NFIX: variants seen among roughly 807,000 people sequenced by gnomAD.
The protein encoded by NFIX is nuclear factor I X, also known as nuclear factor 1 X-type.
In NFIX, 2 loss-of-function variants were observed where a neutral mutation model predicts 53.3. That is an observed-to-expected ratio of 0.04 (90% CI 0.02 to 0.12). NFIX has a LOEUF of 0.12. Ranked by LOEUF, NFIX falls within the 10% of genes least tolerant of loss-of-function variation. The pLI, the probability that NFIX is intolerant of heterozygous loss-of-function variation, is 1.00. For missense variants in NFIX, 310 were observed against 674.5 expected (o/e 0.46, Z 5.99); for synonymous variants, 244 against 289.0 (o/e 0.84, Z 1.58).
chr19:12,995,780 C>T lies in NFIX; in HGVS notation c.-58C>T. 1 of 850,696 alleles carries T rather than the reference C, an allele frequency of 1.2e-6. No homozygotes were observed. The highest frequency in any genetic ancestry group is 5.1e-5 in the South Asian group (1 of 19,442). The allele number at this position is 850,696 out of a possible 1,614,324, so 52.7% of individuals were successfully genotyped here. On this transcript the variant is annotated 5_prime_UTR_variant, in exon 1 of 11. Coordinates refer to ENST00000592199, the MANE Select transcript of NFIX (RefSeq NM_001365902.3). ...AGCCCGAGCCCGAGCGCGGCCGCCG[C>T]CTGCCGGGCCTCCCCTCGCCGCGGC... is the stretch of plus-strand genomic sequence containing the variant.
intron 2 of NFIX, among the ~76,000 whole-genome samples, chr19:13,035,308 G>A (rs1252497804): frequency 6.6e-6 from 1 of 152,206 alleles, no homozygotes; most frequent in East Asian, 1.9e-4. Flanking sequence ...CAGTTTGGGG[G>A]CTTTCCCCTT....
rs892276650 is a variant in NFIX at position 13,005,648 on chromosome 19, T to C, written c.27+9784T>C. Among the ~76,000 whole-genome samples the C allele has an allele frequency of 6.6e-6, 1 of 152,190 alleles. No individual in the cohort carries two copies. The highest frequency in any genetic ancestry group is 2.4e-5 in the African/African-American group (1 of 41,450). On this transcript the variant is annotated intron_variant, in intron 1 of 10. Transcript: ENST00000592199. This position sits in a 1 kb window ranked among gnomAD's most constrained non-coding sequence, Gnocchi z 4.7. ...TGCTAGGGTCAAGGGCGGGGAGCTC[T>C]TTCTTCAAGATCGTCACCACCCTAA...
At chr19:13,069,108 C>G (rs1185228972) in intron 2 of NFIX, among the ~76,000 whole-genome samples, 1 of 152,226 alleles carries the variant, frequency 6.6e-6, no homozygotes, top group East Asian at 1.9e-4. Context: ...TGGAGGGAAA[C>G]TCTGAGTTGG....
Position 13,009,161 on chromosome 19 carries a change from TCACA to T in NFIX, c.27+13301_27+13304del, listed in dbSNP as rs767528965. 1.6e-4 allele frequency among the ~76,000 whole-genome samples: 24 copies of T among 152,010 alleles called. 1 individual carries two copies. Among genetic ancestry groups the T allele is most frequent in the Non-Finnish European group, 2.6e-4 (18 of 67,994 alleles). ...CACGCACAGTCTCACACACAACCTG[TCACA>T]CACGCACACACACACACAGCGGCAC... On this transcript the variant is annotated intron_variant, in intron 1 of 10. Coordinates refer to ENST00000592199, the MANE Select transcript of NFIX (RefSeq NM_001365902.3). This position sits in a 1 kb window ranked among gnomAD's most constrained non-coding sequence, Gnocchi z 4.7.
intron 8 of NFIX, among the ~76,000 whole-genome samples, chr19:13,083,151 C>CA (rs1216037672): frequency 6.6e-6 from 1 of 152,194 alleles, no homozygotes; most frequent in Non-Finnish European, 1.5e-5. Context: ...TCTCTCTGGA[C>CA]AAGCTCTGTC....
Position 13,005,863 on chromosome 19 carries a change from C to G in NFIX, c.27+9999C>G, listed in dbSNP as rs920855693. Reference sequence around the variant, plus strand: ...ATAAAGGTGGATGGTGGTCTCACCCCCTCTGCACCCCTGCTGGCCAGGCTT... The same window carrying G: ...ATAAAGGTGGATGGTGGTCTCACCCGCTCTGCACCCCTGCTGGCCAGGCTT... On this transcript the variant is annotated intron_variant, in intron 1 of 10. Transcript: ENST00000592199. The surrounding 1 kb of genome is among the most constrained non-coding windows in gnomAD (Gnocchi z 4.7). Among the ~76,000 whole-genome samples the G allele has an allele frequency of 6.6e-6, 1 of 152,194 alleles. No homozygotes were observed. Among genetic ancestry groups the G allele is most frequent in the South Asian group, 2.1e-4 (1 of 4,826 alleles).
At chr19:13,069,324 C>T (rs747325373) in intron 2 of NFIX, among the ~76,000 whole-genome samples, 1 of 152,160 alleles carries the variant, frequency 6.6e-6, no homozygotes, top group Non-Finnish European at 1.5e-5. Flanking sequence ...GGACATGGCC[C>T]CAGAAGACTG....
At position 13,052,605 on chromosome 19, in the gene NFIX, G is replaced by C. The variant is rs1451057188; in HGVS notation, c.560-20442G>C. 1.3e-5 allele frequency among the ~76,000 whole-genome samples: 2 copies of C among 152,198 alleles called. No individual in the cohort carries two copies. The highest frequency in any genetic ancestry group is 1.3e-4 in the Admixed American group (2 of 15,290). On this transcript the variant is annotated intron_variant, in intron 2 of 10. Transcript: ENST00000592199. The surrounding 1 kb of genome is among the most constrained non-coding windows in gnomAD (Gnocchi z 5.2). ...AGATAAGACAATCCAGATTCTCTCA[G>C]AGAAACAGTCACATGTCAGACATGT...
intron 2 of NFIX, among the ~76,000 whole-genome samples, chr19:13,071,584 C>CTTG (rs1283764775): frequency 6.6e-6 from 1 of 152,194 alleles, no homozygotes; most frequent in East Asian, 1.9e-4. Flanking sequence ...ATTAAAAGCA[C>CTTG]TTGTTAGCAC....
In NFIX at chr19:13,078,640, A is replaced by G; in HGVS notation, c.983A>G (p.Lys328Arg). The G allele has an allele frequency of 6.2e-7, 1 of 1,601,930 alleles. No homozygotes were observed. The highest frequency in any genetic ancestry group is 8.5e-7 in the Non-Finnish European group (1 of 1,174,614). Residue 328 changes from lysine to arginine, a missense_variant, in exon 7 of 11, where the codon AAG becomes AGG. Lys to Arg is a conservative substitution (Grantham distance 26, BLOSUM62 2). Transcript: ENST00000592199. The surrounding 1 kb of genome is among the most constrained non-coding windows in gnomAD (Gnocchi z 4.7). The stretch of plus-strand genomic sequence containing the variant: ...CCGGCTTCTCTAAAGAAGTCAGGAA[A>G]GCTGGACTTCTGCAGTGCCCTCTCC... ...AGPASLKKSG[K>R]LDFCSALSSQ...
chr19:13,024,544 C>T lies in NFIX; in HGVS notation c.28-477C>T, dbSNP rs2013161635. ...CGGTGTCGGGGACCAGAGGCGGCCC[C>T]GCACGCCCCCGCGTGTGCGTCCACG... On this transcript the variant is annotated intron_variant, in intron 1 of 10. Coordinates refer to ENST00000592199, the MANE Select transcript of NFIX (RefSeq NM_001365902.3). The T allele has an allele frequency of 3.9e-6, 6 of 1,528,670 alleles. No individual in the cohort carries two copies. The South Asian group carries it at 6.0e-5, about 15-fold the overall frequency. The allele number at this position is 1,528,670 out of a possible 1,614,324, so 94.7% of individuals were successfully genotyped here.
rs2012991175 is a variant in NFIX at position 13,022,467 on chromosome 19, G to A, written c.28-2554G>A. 6.6e-6 allele frequency among the ~76,000 whole-genome samples: 1 copy of A among 152,090 alleles called. No homozygotes were observed. The highest frequency in any genetic ancestry group is 2.1e-4 in the South Asian group (1 of 4,822). On this transcript the variant is annotated intron_variant, in intron 1 of 10. Coordinates refer to ENST00000592199, the MANE Select transcript of NFIX (RefSeq NM_001365902.3). This position sits in a 1 kb window ranked among gnomAD's most constrained non-coding sequence, Gnocchi z 4.5. ...ACCCTGGGCACCAGATCCCTGCCCT[G>A]GAAGTACTGCTGGCATGGACACTTT...
intron 2 of NFIX, among the ~76,000 whole-genome samples, chr19:13,044,836 G>A (rs1357877425): frequency 4.6e-5 from 7 of 152,206 alleles, no homozygotes; most frequent in Non-Finnish European, 7.3e-5. Flanking sequence ...CAAGGGATGG[G>A]AGGAACCCAG....
At chr19:13,038,931 T>C (rs886837818) in intron 2 of NFIX, among the ~76,000 whole-genome samples, 1 of 151,958 alleles carries the variant, frequency 6.6e-6, no homozygotes, top group Non-Finnish European at 1.5e-5. Context: ...CTAATAAGCG[T>C]GGATGGGGAG....
At chr19:13,075,379 T>G (rs1251853900) in intron 5 of NFIX, among the ~76,000 whole-genome samples, 156 bp from the exon 6 acceptor site, 1 of 152,060 alleles carries the variant, frequency 6.6e-6, no homozygotes, top group Non-Finnish European at 1.5e-5. Context: ...GATCTTGGGG[T>G]TGGGCACGCA....
At chr19:13,031,499 C>T (rs1171710473) in intron 2 of NFIX, among the ~76,000 whole-genome samples, 1 of 152,166 alleles carries the variant, frequency 6.6e-6, no homozygotes, top group Non-Finnish European at 1.5e-5. Context: ...TGGTAGAATT[C>T]CCTTTATCCA....
intron 1 of NFIX, chr19:13,024,726 G>T (rs892637829): frequency 6.5e-7 from 1 of 1,534,686 alleles, no homozygotes; most frequent in African/African-American, 1.4e-5. Flanking sequence ...GTGTGTGAGT[G>T]AGTGAGGGAG....
chr19:13,056,117 AT>A (rs2015673408), intron 2 of NFIX, among the ~76,000 whole-genome samples: 1 of 152,076 alleles, frequency 6.6e-6, no homozygotes, highest in South Asian at 2.1e-4. Context: ...TGCGGCTGAA[AT>A]TGCATCCAGC....
intron 1 of NFIX, among the ~76,000 whole-genome samples, chr19:12,999,473 C>A (rs868506903): frequency 3.7e-5 from 5 of 136,890 alleles, no homozygotes; most frequent in African/African-American, 1.4e-4. Context: ...CACCCGGCCA[C>A]AAATACCTTT....
Sources: gnomAD v4.1 joint callset for allele counts (sites outside exome capture counted in the v4.1 genomes callset) on GRCh38, gnomAD v4.1.1 for gene constraint, Gnocchi (gnomAD v3.1) non-coding constraint, MANE v1.5 for transcripts, NCBI Gene and HGNC (gene_info 2026-07-23, HGNC 2026-07-21) for gene names.